ESRRB: variants seen among roughly 807,000 people sequenced by gnomAD.
ESRRB encodes steroid hormone receptor ERR2.
Under a neutral mutation model 46.0 loss-of-function variants are expected in ESRRB, and 16 were observed. The observed-to-expected ratio is 0.35, with a 90% CI of 0.24 to 0.53. The LOEUF is 0.53. Among genes scored for constraint, ESRRB ranks in the 20% least tolerant of loss-of-function variants. ESRRB has a pLI of 0.93. For synonymous variants in ESRRB, 246 were observed against 259.6 expected (o/e 0.95, Z 0.50); for missense variants, 488 against 607.4 (o/e 0.80, Z 2.07).
At chr14:76,468,761 A>C (rs1889235578) in intron 3 of ESRRB, among the ~76,000 whole-genome samples, 1 of 152,042 alleles carries the variant, frequency 6.6e-6, no homozygotes, top group Non-Finnish European at 1.5e-5. Context: ...AAGCTCCTAG[A>C]GTTATACTGT....
chr14:76,463,516 G>GGC (rs1282593081), intron 3 of ESRRB: 4 of 144,460 alleles, frequency 2.8e-5, no homozygotes, highest in African/African-American at 1.1e-4. Context: ...GCGCAATCTC[G>GGC]GCTCACTGCA....
At chr14:76,466,059 C>G (rs1042214799) in intron 3 of ESRRB, among the ~76,000 whole-genome samples, 2 of 152,198 alleles carry the variant, frequency 1.3e-5, no homozygotes, top group Admixed American at 6.5e-5. Context: ...CCCAGGCCCC[C>G]CAAGACCAGC....
intron 1 of ESRRB, among the ~76,000 whole-genome samples, chr14:76,406,745 AAAAC>A (rs150455357): frequency 0.076 from 11,573 of 152,178 alleles, 659 homozygotes; most frequent in East Asian, 0.27. Flanking sequence ...ACTTCGTCAA[AAAAC>A]AAACAAACAA....
intron 1 of ESRRB, among the ~76,000 whole-genome samples, chr14:76,317,308 CTCTGTGTG>C (rs1475021003): frequency 1.6e-5 from 2 of 125,148 alleles, no homozygotes; most frequent in African/African-American, 6.4e-5. Context: ...GCTGATTAGG[CTCTGTGTG>C]TGTGTGTGTG....
chr14:76,427,422 C>T (rs1219333152), intron 1 of ESRRB, among the ~76,000 whole-genome samples: 2 of 151,902 alleles, frequency 1.3e-5, no homozygotes, highest in African/African-American at 2.4e-5. Flanking sequence ...TGGGGTCAGA[C>T]GTCCTTCACA....
In ESRRB at chr14:76,501,027, C is replaced by A; in HGVS notation, c.*2569C>A. The A allele has an allele frequency of 2.1e-6, 1 of 474,162 alleles. No homozygotes were observed. The highest frequency in any genetic ancestry group is 3.8e-6 in the Non-Finnish European group (1 of 261,320). 29.4% of individuals were successfully genotyped at this position (474,162 alleles called of 1,614,324 possible). A position where few individuals can be genotyped will look rare whatever the true frequency, so the allele number is the denominator to read the frequency against. On this transcript the variant is annotated 3_prime_UTR_variant, in exon 7 of 7. Coordinates refer to ENST00000644823, the MANE Select transcript of ESRRB (RefSeq NM_001379180.1). ...CTGGAATCCTGGCCAGATGAGGACCCTCTCCGGGGAAGGGAGAGGACTGAC... is the reference window on the plus strand; with the variant it reads ...CTGGAATCCTGGCCAGATGAGGACCATCTCCGGGGAAGGGAGAGGACTGAC...
intron 3 of ESRRB, among the ~76,000 whole-genome samples, chr14:76,474,937 G>C (rs1889516506): frequency 6.7e-6 from 1 of 150,088 alleles, no homozygotes; most frequent in South Asian, 2.1e-4. Flanking sequence ...AAAAAAAAAA[G>C]AAAGGAGGGG....
At chr14:76,352,865 C>T (rs1178316122) in intron 1 of ESRRB, among the ~76,000 whole-genome samples, 1 of 152,228 alleles carries the variant, frequency 6.6e-6, no homozygotes, top group African/African-American at 2.4e-5. Context: ...CCCACGCGCA[C>T]ACAGGCGAGC....
intron 1 of ESRRB, among the ~76,000 whole-genome samples, chr14:76,335,830 C>T (rs533846670): frequency 6.6e-6 from 1 of 152,276 alleles, no homozygotes; most frequent in Admixed American, 6.5e-5. Context: ...TTAATCACAC[C>T]AACCAGCATT....
At chr14:76,323,340 C>T (rs922627700) in intron 1 of ESRRB, among the ~76,000 whole-genome samples, 5 of 148,118 alleles carry the variant, frequency 3.4e-5, no homozygotes, top group Admixed American at 1.4e-4. Context: ...GAGAGGGTCT[C>T]ACTCTGTTGC....
rs1276115101 is a variant in ESRRB at position 76,457,454 on chromosome 14, T to G, written c.461-5091T>G. 7.5e-4 allele frequency among the ~76,000 whole-genome samples: 25 copies of G among 33,522 alleles called. No individual in the cohort carries two copies. In the East Asian group the frequency reaches 0.012, roughly 16 times the overall value. 22.0% of individuals were successfully genotyped at this position (33,522 alleles called of 152,430 possible). ...ATAAACTTTCTTGTAGCAGGATGAG[T>G]TTTTTTTTTTTTTTCTCATCAGTTA... is the stretch of plus-strand genomic sequence containing the variant. On this transcript the variant is annotated intron_variant, in intron 2 of 6. Coordinates refer to ENST00000644823, the MANE Select transcript of ESRRB (RefSeq NM_001379180.1).
At chr14:76,377,844 C>T (rs1275556073) in intron 1 of ESRRB, among the ~76,000 whole-genome samples, 1 of 152,202 alleles carries the variant, frequency 6.6e-6, no homozygotes, top group East Asian at 1.9e-4. Flanking sequence ...CAGACTGTTC[C>T]TGCTTCTAGT....
intron 1 of ESRRB, among the ~76,000 whole-genome samples, chr14:76,362,293 A>G (rs566341585): frequency 6.6e-6 from 1 of 152,324 alleles, no homozygotes; most frequent in Non-Finnish European, 1.5e-5. Flanking sequence ...TCACATTGCT[A>G]ATGAAGGGCA....
chr14:76,442,816 C>CTTTTT (rs1245748328), intron 2 of ESRRB, among the ~76,000 whole-genome samples: 3 of 131,082 alleles, frequency 2.3e-5, no homozygotes, highest in African/African-American at 8.5e-5. Flanking sequence ...TCTTTTTTTT[C>CTTTTT]TTTTTTTTTT....
At chr14:76,372,661 A>G (rs369098106), upstream of ESRRB, among the ~76,000 whole-genome samples, 9 of 152,154 alleles carry the variant, frequency 5.9e-5, no homozygotes, top group African/African-American at 1.9e-4. Flanking sequence ...GTGAAACTCC[A>G]TCTCTACTAA....
intron 1 of ESRRB, among the ~76,000 whole-genome samples, chr14:76,384,085 A>G (rs1885122442): frequency 6.6e-6 from 1 of 152,112 alleles, no homozygotes; most frequent in Non-Finnish European, 1.5e-5. Context: ...TTGTCTTCCT[A>G]ATCGATCAGC....
At chr14:76,317,310 C>CTGTGTGTGTGTG (rs4024313) in intron 1 of ESRRB, among the ~76,000 whole-genome samples, 92 of 134,520 alleles carry the variant, frequency 6.8e-4, no homozygotes, top group African/African-American at 1.7e-3. Context: ...TGATTAGGCT[C>CTGTGTGTGTGTG]TGTGTGTGTG....
At chr14:76,427,865 T>G (rs1195576287) in intron 1 of ESRRB, among the ~76,000 whole-genome samples, 1 of 152,116 alleles carries the variant, frequency 6.6e-6, no homozygotes, top group East Asian at 1.9e-4. Context: ...AATAACCCCA[T>G]TCATAAGGGG....
intron 1 of ESRRB, among the ~76,000 whole-genome samples, chr14:76,329,023 C>G (rs183726579): frequency 6.6e-6 from 1 of 152,208 alleles, no homozygotes; most frequent in African/African-American, 2.4e-5. Flanking sequence ...GTGAAGGGAG[C>G]TGAATGTCAG....
Sources: gnomAD v4.1 joint callset for allele counts (sites outside exome capture counted in the v4.1 genomes callset) on GRCh38, gnomAD v4.1.1 for gene constraint, MANE v1.5 for transcripts, NCBI Gene and HGNC (gene_info 2026-07-23, HGNC 2026-07-21) for gene names.